SF3B1: variants seen among roughly 807,000 people sequenced by gnomAD.
SF3B1 encodes the protein pre-mRNA processing 10.
A neutral mutation model predicts 153.8 loss-of-function variants in SF3B1; 12 were observed. The ratio of observed to expected loss-of-function variants is 0.08; its 90% confidence interval spans 0.05 to 0.13. The LOEUF (loss-of-function observed/expected upper bound fraction) is 0.13. SF3B1 is among the 10% of genes least tolerant of loss of function. The pLI is 1.00. For missense variants in SF3B1, 513 were observed against 1,606.1 expected (o/e 0.32, Z 11.63); for synonymous variants, 498 against 525.2 (o/e 0.95, Z 0.71).
In SF3B1 at chr2:197,402,645, G is replaced by A. The variant is rs1239341681; in HGVS notation, c.1988C>T (p.Thr663Ile). 1.2e-6 allele frequency: 2 copies of A among 1,613,898 alleles called. No individual in the cohort carries two copies. Among genetic ancestry groups the A allele is most frequent in the Non-Finnish European group, 8.5e-7 (1 of 1,179,876 alleles). Residue 663 changes from threonine (T) to isoleucine (I), a missense_variant, in exon 14 of 25, where the codon ACT (threonine) becomes ATT (isoleucine). Physicochemically the swap from Thr to Ile is moderately conservative, Grantham distance 89. Around this residue, in one of 21 missense-constraint regions of SF3B1, gnomAD observed 13 missense variants for 16.1 expected, o/e 0.81. Transcript: ENST00000335508. This position sits in a 1 kb window ranked among gnomAD's most constrained non-coding sequence, Gnocchi z 4.6. ...KSKKSWQARH[T>I]GIKIVQQIAI... Reference sequence around the variant, plus strand: ...TATCTGTTGTACAATCTTAATACCAGTGTGTCTCGCTTGCCAGGACTTCTT... The same window carrying A: ...TATCTGTTGTACAATCTTAATACCAATGTGTCTCGCTTGCCAGGACTTCTT...
Position 197,398,689 on chromosome 2 carries a change from G to A in SF3B1, c.3014-108C>T, listed in dbSNP as rs147017947. 173 of 1,023,192 alleles carry A rather than the reference G, an allele frequency of 1.7e-4. No individual in the cohort carries two copies. In the African/African-American group the frequency reaches 2.4e-3, roughly 14 times the overall value. The allele number at this position is 1,023,192 out of a possible 1,614,324, so 63.4% of individuals were successfully genotyped here. A position where few individuals can be genotyped will look rare whatever the true frequency, so the allele number is the denominator to read the frequency against. Reference sequence around the variant, plus strand: ...GACTATGTATAAATATAAACTTACAGCTGCCTAGGGAAAGAGAAAGCCCCA... The same window carrying A: ...GACTATGTATAAATATAAACTTACAACTGCCTAGGGAAAGAGAAAGCCCCA... On this transcript the variant is annotated intron_variant, in intron 20 of 24. Coordinates refer to ENST00000335508, the MANE Select transcript of SF3B1 (RefSeq NM_012433.4).
At chr2:197,417,593 A>T (rs2085169350) in intron 5 of SF3B1, among the ~76,000 whole-genome samples, 1 of 150,532 alleles carries the variant, frequency 6.6e-6, no homozygotes, top group Non-Finnish European at 1.5e-5. Context: ...AAAAAAAAAA[A>T]AAGAAATATG....
At chr2:197,405,875 A>C (rs1198323353) in intron 9 of SF3B1, among the ~76,000 whole-genome samples, 1 of 152,138 alleles carries the variant, frequency 6.6e-6, no homozygotes, top group Non-Finnish European at 1.5e-5. Flanking sequence ...CATAAAACAT[A>C]AAAAATTATA....
chr2:197,415,986 T>C (rs1373590796), intron 6 of SF3B1, among the ~76,000 whole-genome samples: 6 of 151,204 alleles, frequency 4.0e-5, no homozygotes, highest in Non-Finnish European at 8.9e-5. Flanking sequence ...AGCTAATTTT[T>C]TTTTTTTTTT....
chr2:197,406,322 T>C, intron 9 of SF3B1, among the ~76,000 whole-genome samples: 1 of 152,012 alleles, frequency 6.6e-6, no homozygotes, highest in East Asian at 1.9e-4. Context: ...TCTTCTCCAG[T>C]GAGCCTAAAA....
intron 6 of SF3B1, among the ~76,000 whole-genome samples, chr2:197,412,377 A>G (rs201808204): frequency 3.1e-5 from 4 of 128,328 alleles, no homozygotes; most frequent in Non-Finnish European, 5.1e-5. Context: ...TTTATTTGAG[A>G]CAGAGTCTCA....
Position 197,420,422 on chromosome 2 carries a change from A to C in SF3B1, c.415+6T>G. 1 of 1,594,414 alleles carries C rather than the reference A, an allele frequency of 6.3e-7. No homozygotes were observed. ...GAATACTTATAGAAAAGTGGGAAAG[A>C]ATTACCATCTGCAAAAGGATCAAGA... On this transcript the variant is annotated splice_donor_region_variant and intron_variant, in intron 4 of 24. Coordinates refer to ENST00000335508, the MANE Select transcript of SF3B1 (RefSeq NM_012433.4).
chr2:197,433,034 G>GC (rs2085466050), intron 1 of SF3B1, among the ~76,000 whole-genome samples: 1 of 152,098 alleles, frequency 6.6e-6, no homozygotes, highest in Non-Finnish European at 1.5e-5. Context: ...TAGCAGCACT[G>GC]CCCCAAAAAG....
At chr2:197,434,535 AAC>A (rs1463497629) in intron 1 of SF3B1, among the ~76,000 whole-genome samples, 1 of 152,226 alleles carries the variant, frequency 6.6e-6, no homozygotes, top group African/African-American at 2.4e-5. Flanking sequence ...ATCTCGGTTT[AAC>A]CAAATTCGAT....
At chr2:197,424,624 C>A (rs1268326297) in intron 1 of SF3B1, among the ~76,000 whole-genome samples, 1 of 152,152 alleles carries the variant, frequency 6.6e-6, no homozygotes, top group East Asian at 1.9e-4. Context: ...AAGCACCATA[C>A]ACTGCATTTA....
At chr2:197,423,337 C>T (rs1406680696) in intron 2 of SF3B1, among the ~76,000 whole-genome samples, 1 of 147,722 alleles carries the variant, frequency 6.8e-6, no homozygotes. Context: ...CAGTCCACTG[C>T]ACTCAAGCCT....
Position 197,392,241 on chromosome 2 carries a change from C to G in SF3B1, c.*62G>C. On this transcript the variant is annotated 3_prime_UTR_variant, in exon 25 of 25. Coordinates refer to ENST00000335508, the MANE Select transcript of SF3B1 (RefSeq NM_012433.4). Reference sequence around the variant, plus strand: ...TGCAATGTTTAAAAGTTTACATCACCAAATCAAAGCAAGTTTAAGGTGTGA... The same window carrying G: ...TGCAATGTTTAAAAGTTTACATCACGAAATCAAAGCAAGTTTAAGGTGTGA... 2 of 730,530 alleles carry G rather than the reference C, an allele frequency of 2.7e-6. No homozygotes were observed. The highest frequency in any genetic ancestry group is 4.8e-6 in the Non-Finnish European group (2 of 416,556). The allele number at this position is 730,530 out of a possible 1,614,324, so 45.3% of individuals were successfully genotyped here. A position where few individuals can be genotyped will look rare whatever the true frequency, so the allele number is the denominator to read the frequency against.
rs2105973643 is a variant in SF3B1 at position 197,392,382 on chromosome 2, G to A, written c.3836C>T (p.Ala1279Val). 1 of 1,610,314 alleles carries A rather than the reference G, an allele frequency of 6.2e-7. No individual in the cohort carries two copies. The highest frequency in any genetic ancestry group is 8.5e-7 in the Non-Finnish European group (1 of 1,176,732). ...YNSIYIGSQD[A>V]LIAHYPRIYN... ...GATTCTTGGGTAATGTGCTATGAGA[G>A]CGTCCTGGGAACCAATGTAGATGGA... Residue 1279 changes from alanine to valine, a missense_variant, in exon 25 of 25, where the codon GCT becomes GTT. Physicochemically the swap from Ala to Val is moderately conservative, Grantham distance 64. Transcript: ENST00000335508.
At chr2:197,412,341 A>AATTTATTTATTTATTTATTT (rs138215794) in intron 6 of SF3B1, among the ~76,000 whole-genome samples, 1 of 145,684 alleles carries the variant, frequency 6.9e-6, no homozygotes, top group African/African-American at 2.5e-5. Flanking sequence ...TCTCTGATTT[A>AATTTATTTATTTATTTATTT]ATTTATTTAT....
intron 1 of SF3B1, among the ~76,000 whole-genome samples, chr2:197,426,391 G>A (rs2085337743): frequency 6.6e-6 from 1 of 151,902 alleles, no homozygotes; most frequent in African/African-American, 2.4e-5. Flanking sequence ...CGCCTCCCAG[G>A]TTCAAGCCAT....
At chr2:197,434,334 T>C (rs73988465) in intron 1 of SF3B1, among the ~76,000 whole-genome samples, 3,453 of 152,318 alleles carry the variant, frequency 0.023, 124 homozygotes, top group African/African-American at 0.08. Flanking sequence ...CGGCCATTAA[T>C]GAAAGTAATT....
At chr2:197,428,225 G>A (rs1342994690) in intron 1 of SF3B1, among the ~76,000 whole-genome samples, 1 of 151,980 alleles carries the variant, frequency 6.6e-6, no homozygotes, top group Non-Finnish European at 1.5e-5. Context: ...GGAGGCTGAG[G>A]TCAGAGGATG....
chr2:197,412,336 G>T (rs1173919260), intron 6 of SF3B1, among the ~76,000 whole-genome samples: 1 of 124,718 alleles, frequency 8.0e-6, no homozygotes, highest in Admixed American at 8.6e-5. Context: ...CTGAGTCTCT[G>T]ATTTAATTTA....
intron 20 of SF3B1, among the ~76,000 whole-genome samples, chr2:197,399,269 G>T (rs1214785151): frequency 6.6e-6 from 1 of 152,166 alleles, no homozygotes; most frequent in African/African-American, 2.4e-5. Flanking sequence ...AAATACAATA[G>T]TTTAAACATG....
Sources: gnomAD v4.1 joint callset for allele counts (sites outside exome capture counted in the v4.1 genomes callset) on GRCh38, gnomAD v4.1.1 for gene constraint, gnomAD v4.1.1 regional missense constraint, Gnocchi (gnomAD v3.1) non-coding constraint, MANE v1.5 for transcripts, NCBI Gene and HGNC (gene_info 2026-07-23, HGNC 2026-07-21) for gene names.